The following CADM2 variants were observed in gnomAD, a reference collection of about 807,000 sequenced individuals.
CADM2 encodes cell adhesion molecule 2.
Under a neutral mutation model 49.8 loss-of-function variants are expected in CADM2, and 12 were observed. The observed-to-expected ratio is 0.24, with a 90% CI of 0.15 to 0.39. The LOEUF (loss-of-function observed/expected upper bound fraction) is 0.39. Ranked by LOEUF, CADM2 falls within the 10% of genes least tolerant of loss-of-function variation. The pLI, the probability that CADM2 is intolerant of heterozygous loss-of-function variation, is 1.00. For synonymous variants in CADM2, 214 were observed against 175.4 expected (o/e 1.22, Z -1.74); for missense variants, 378 against 492.3 (o/e 0.77, Z 2.20).
intron 1 of CADM2, among the ~76,000 whole-genome samples, chr3:85,193,208 G>A (rs988081155): frequency 1.3e-5 from 2 of 151,994 alleles, no homozygotes; most frequent in African/African-American, 4.8e-5. Context: ...TTGTAAATTA[G>A]TTGTCTGACT....
Position 85,142,666 on chromosome 3 carries a change from T to G in CADM2, c.61+182998T>G, listed in dbSNP as rs555458241. On this transcript the variant is annotated intron_variant, in intron 1 of 9. Transcript: ENST00000383699. The stretch of plus-strand genomic sequence containing the variant: ...TAAAGTGAGGATAAATTGCAACAAA[T>G]TTAGGTGATGATCTACCTCTCATCC... 4.6e-5 allele frequency among the ~76,000 whole-genome samples: 7 copies of G among 152,288 alleles called. No individual in the cohort carries two copies. The East Asian group carries it at 1.4e-3, about 29-fold the overall frequency.
At chr3:85,560,259 GCA>G (rs2062060532) in intron 1 of CADM2, among the ~76,000 whole-genome samples, 2 of 152,166 alleles carry the variant, frequency 1.3e-5, no homozygotes, top group Non-Finnish European at 2.9e-5. Flanking sequence ...AGCAGCAGGT[GCA>G]CCAGCTTGAT....
At chr3:86,064,655 C>T (rs1273169657) in intron 8 of CADM2, among the ~76,000 whole-genome samples, 1 of 152,074 alleles carries the variant, frequency 6.6e-6, no homozygotes, top group East Asian at 1.9e-4. Context: ...TGAAAAAATG[C>T]TCATCATCAC....
chr3:85,980,733 T>C (rs1201233677), intron 8 of CADM2, among the ~76,000 whole-genome samples: 1 of 151,600 alleles, frequency 6.6e-6, no homozygotes, highest in Non-Finnish European at 1.5e-5. Flanking sequence ...GTAAGGTTTT[T>C]CACAAACGGC....
chr3:86,052,591 C>CA (rs1186257766), intron 8 of CADM2, among the ~76,000 whole-genome samples: 1 of 152,002 alleles, frequency 6.6e-6, no homozygotes, highest in Non-Finnish European at 1.5e-5. Context: ...TGATGTAGGA[C>CA]AAAATTTTAC....
At chr3:85,444,652 T>C (rs960541989) in intron 1 of CADM2, among the ~76,000 whole-genome samples, 1 of 152,192 alleles carries the variant, frequency 6.6e-6, no homozygotes, top group Non-Finnish European at 1.5e-5. Flanking sequence ...CCTCCTGTCC[T>C]ACTCAATTTT....
chr3:85,643,055 G>T (rs182242585), intron 1 of CADM2, among the ~76,000 whole-genome samples: 19 of 152,240 alleles, frequency 1.2e-4, no homozygotes, highest in African/African-American at 4.6e-4. Context: ...TGTGGTCAAA[G>T]ATTGGGTTTA....
At chr3:85,529,590 T>C (rs995213214) in intron 1 of CADM2, among the ~76,000 whole-genome samples, 1 of 152,124 alleles carries the variant, frequency 6.6e-6, no homozygotes, top group African/African-American at 2.4e-5. Flanking sequence ...TCTTTGAAAC[T>C]CTTCAACGAT....
intron 1 of CADM2, among the ~76,000 whole-genome samples, chr3:85,697,381 G>A (rs567611875): frequency 7.2e-5 from 11 of 151,846 alleles, no homozygotes; most frequent in Non-Finnish European, 1.2e-4. Flanking sequence ...TCCTGAAAAC[G>A]CCAGTTACCC....
intron 1 of CADM2, among the ~76,000 whole-genome samples, chr3:85,548,151 G>A (rs938518237): frequency 1.3e-5 from 2 of 151,178 alleles, no homozygotes; most frequent in East Asian, 2.0e-4. Flanking sequence ...ACTTCACAGC[G>A]TGCCAGGATG....
chr3:85,668,295 C>CAAAAAAAAAAAAAAAAAAAAACAAAAAAA (rs11447925), intron 1 of CADM2, among the ~76,000 whole-genome samples: 1 of 81,774 alleles, frequency 1.2e-5, no homozygotes, highest in Non-Finnish European at 2.5e-5. Context: ...AGTACCAAAG[C>CAAAAAAAAAAAAAAAAAAAAACAAAAAAA]AAAAAAAAAA....
chr3:85,650,155 G>A (rs961995582), intron 1 of CADM2, among the ~76,000 whole-genome samples: 9 of 152,064 alleles, frequency 5.9e-5, no homozygotes, highest in African/African-American at 1.7e-4. Context: ...AGAGGGCTAC[G>A]TTCTCAGCCG....
chr3:85,807,850 T>C (rs1184570660), intron 3 of CADM2, among the ~76,000 whole-genome samples: 1 of 152,174 alleles, frequency 6.6e-6, no homozygotes. Context: ...AGAAAACCCT[T>C]AGGCTATCAT....
At chr3:85,791,215 C>T (rs1381830126) in intron 2 of CADM2, among the ~76,000 whole-genome samples, 2 of 152,120 alleles carry the variant, frequency 1.3e-5, no homozygotes, top group African/African-American at 4.8e-5. Flanking sequence ...ATTCATTGCA[C>T]TTCTCTGGAG....
intron 8 of CADM2, among the ~76,000 whole-genome samples, chr3:86,057,459 C>G (rs1466716839): frequency 1.3e-5 from 2 of 152,096 alleles, no homozygotes; most frequent in Non-Finnish European, 2.9e-5. Flanking sequence ...TGATCCGTTG[C>G]TCAGCACAGC....
intron 7 of CADM2, among the ~76,000 whole-genome samples, chr3:85,946,966 A>G (rs1469084359): frequency 6.6e-6 from 1 of 152,162 alleles, no homozygotes; most frequent in Non-Finnish European, 1.5e-5. Context: ...TAAACTAAAG[A>G]GCTTCTGCAC....
intron 1 of CADM2, among the ~76,000 whole-genome samples, chr3:85,115,277 T>G (rs1050938378): frequency 6.6e-6 from 1 of 152,202 alleles, no homozygotes; most frequent in African/African-American, 2.4e-5. Context: ...AATTTTAAAA[T>G]GACCCTCAAG....
At chr3:85,321,619 G>A (rs562828743) in intron 1 of CADM2, among the ~76,000 whole-genome samples, 2 of 152,180 alleles carry the variant, frequency 1.3e-5, no homozygotes, top group South Asian at 4.1e-4. Flanking sequence ...TATTGAAACA[G>A]TATAATTTGA....
chr3:85,924,459 G>A (rs898138938), intron 6 of CADM2, among the ~76,000 whole-genome samples: 10 of 151,996 alleles, frequency 6.6e-5, no homozygotes, highest in Non-Finnish European at 1.5e-4. Flanking sequence ...CATGAGTGGT[G>A]GCGTGTTCCT....
Sources: allele counts gnomAD v4.1 joint callset (sites outside exome capture counted in the v4.1 genomes callset), GRCh38; gene constraint gnomAD v4.1.1; transcripts MANE v1.5; gene names NCBI Gene and HGNC (gene_info 2026-07-23, HGNC 2026-07-21).